The following HMSD variants were observed in gnomAD, a reference collection of about 807,000 sequenced individuals.
HMSD encodes histocompatibility minor serpin domain containing.
A neutral mutation model predicts 10.0 loss-of-function variants in HMSD; 13 were observed. The observed-to-expected ratio is 1.31, with a 90% CI of 0.85 to 2.08. The LOEUF is 2.08. Among genes scored for constraint, HMSD ranks in the 30% most tolerant of loss-of-function variants. The probability of loss-of-function intolerance (pLI) is 0.00; values close to 1 mark genes in which losing one functional copy is unlikely to be tolerated. For missense variants in HMSD, 169 were observed against 166.3 expected (o/e 1.02, Z -0.09); for synonymous variants, 51 against 54.2 (o/e 0.94, Z 0.26).
At position 63,961,175 on chromosome 18, in the gene HMSD, C is replaced by G. The variant is rs1330478408; in HGVS notation, c.*820C>G. 6.8e-6 allele frequency: 1 copy of G among 147,822 alleles called. No homozygotes were observed. Among genetic ancestry groups the G allele is most frequent in the Non-Finnish European group, 1.5e-5 (1 of 67,718 alleles). 9.2% of individuals were successfully genotyped at this position (147,822 alleles called of 1,614,324 possible). A position where few individuals can be genotyped will look rare whatever the true frequency, so the allele number is the denominator to read the frequency against. The stretch of plus-strand genomic sequence containing the variant: ...GAGTGGGGAGTGTAAATGGAGTAAC[C>G]TCTAAGTATCCAAGCAGGAGGGTGT... On this transcript the variant is annotated 3_prime_UTR_variant, in exon 4 of 4. Coordinates refer to ENST00000408945, the MANE Select transcript of HMSD (RefSeq NM_001123366.2).
At chr18:63,963,063 TTTTCTTTCTC>T (rs1275544458), downstream of HMSD, among the ~76,000 whole-genome samples, 52 of 75,722 alleles carry the variant, frequency 6.9e-4, no homozygotes, top group African/African-American at 4.3e-3. Flanking sequence ...TCTTTCTTTC[TTTTCTTTCTC>T]TTTCTTTCTT....
intron 3 of HMSD, among the ~76,000 whole-genome samples, chr18:63,956,029 T>A (rs72943546): frequency 0.037 from 5,561 of 152,242 alleles, 165 homozygotes; most frequent in Non-Finnish European, 0.056. Context: ...CAGGGGGACC[T>A]CTACAAGCCT....
intron 3 of HMSD, among the ~76,000 whole-genome samples, chr18:63,967,487 A>G (rs1204451135): frequency 6.6e-6 from 1 of 152,202 alleles, no homozygotes; most frequent in Non-Finnish European, 1.5e-5. Flanking sequence ...AGGAGTACAG[A>G]GACCTCGAAT....
intron 3 of HMSD, among the ~76,000 whole-genome samples, chr18:63,957,761 T>A (rs2050366633): frequency 6.6e-6 from 1 of 152,182 alleles, no homozygotes; most frequent in Non-Finnish European, 1.5e-5. Flanking sequence ...AAGAAAAGCA[T>A]TGATATTTAA....
At chr18:63,959,389 C>T (rs756838482) in intron 3 of HMSD, among the ~76,000 whole-genome samples, 1 of 152,190 alleles carries the variant, frequency 6.6e-6, no homozygotes, top group African/African-American at 2.4e-5. Flanking sequence ...TTTAATATCA[C>T]TTGAGATTTC....
chr18:63,962,027 T>C (rs2050389160), downstream of HMSD, among the ~76,000 whole-genome samples: 1 of 152,234 alleles, frequency 6.6e-6, no homozygotes, highest in Admixed American at 6.5e-5. Flanking sequence ...CTATGTAGTG[T>C]TTCTTGTAAG....
rs1039148925 is a variant in HMSD, at chr18:63,960,928, C to T, written c.*573C>T. ...AGGAAAGAGGGAGTATCAGAGGTTG[C>T]CGGGTTTGCTACTCTCATTCCTCTT... is the stretch of plus-strand genomic sequence containing the variant. On this transcript the variant is annotated 3_prime_UTR_variant, in exon 4 of 4. Transcript: ENST00000408945. 1 of 152,460 alleles carries T rather than the reference C, an allele frequency of 6.6e-6. No individual in the cohort carries two copies. The highest frequency in any genetic ancestry group is 1.5e-5 in the Non-Finnish European group (1 of 68,300). The allele number at this position is 152,460 out of a possible 1,614,324, so 9.4% of individuals were successfully genotyped here.
intron 3 of HMSD, among the ~76,000 whole-genome samples, chr18:63,958,615 C>A (rs752093983): frequency 2.6e-5 from 4 of 151,990 alleles, no homozygotes; most frequent in Non-Finnish European, 4.4e-5. Flanking sequence ...ATAGTTTGAA[C>A]TTTTTTGGAA....
At chr18:63,967,607 T>C (rs530539958) in intron 3 of HMSD, among the ~76,000 whole-genome samples, 74 of 152,272 alleles carry the variant, frequency 4.9e-4, no homozygotes, top group African/African-American at 1.8e-3. Flanking sequence ...GAGTGTGCCC[T>C]TCCTGAGGTC....
At chr18:63,965,079 G>A (rs2050404413), downstream of HMSD, among the ~76,000 whole-genome samples, 1 of 152,200 alleles carries the variant, frequency 6.6e-6, no homozygotes, top group African/African-American at 2.4e-5. Context: ...AACACTGCCT[G>A]ATGTAACTGA....
chr18:63,962,945 T>C (rs1487147529), downstream of HMSD, among the ~76,000 whole-genome samples: 2 of 151,972 alleles, frequency 1.3e-5, no homozygotes, highest in African/African-American at 2.4e-5. Flanking sequence ...TCACAGATCA[T>C]AGCATGGACC....
At chr18:63,964,535 G>A (rs1429955566), downstream of HMSD, among the ~76,000 whole-genome samples, 1 of 152,034 alleles carries the variant, frequency 6.6e-6, no homozygotes, top group African/African-American at 2.4e-5. Flanking sequence ...GTGAGACACT[G>A]ATTCAAAAAA....
intron 3 of HMSD, among the ~76,000 whole-genome samples, chr18:63,956,537 A>G (rs2050359578): frequency 6.6e-6 from 1 of 152,184 alleles, no homozygotes; most frequent in African/African-American, 2.4e-5. Context: ...ATGAGATACC[A>G]TCTCACACCA....
chr18:63,956,323 C>T (rs761855215), intron 3 of HMSD, among the ~76,000 whole-genome samples: 13 of 151,670 alleles, frequency 8.6e-5, no homozygotes, highest in Non-Finnish European at 1.8e-4. Context: ...AACTATGCCT[C>T]TGATAGAGGT....
intron 1 of HMSD, among the ~76,000 whole-genome samples, chr18:63,951,911 G>A (rs73482137): frequency 0.036 from 5,489 of 152,058 alleles, 337 homozygotes; most frequent in African/African-American, 0.13. Context: ...TGGGAGTAGT[G>A]GGAAGACACT....
At chr18:63,968,644 T>C (rs1359320750) in intron 3 of HMSD, 1 of 152,262 alleles carries the variant, frequency 6.6e-6, no homozygotes, top group African/African-American at 2.4e-5. Flanking sequence ...GCATTTTTCA[T>C]CTTTTAATCT....
chr18:63,962,948 C>T (rs1469338182), downstream of HMSD, among the ~76,000 whole-genome samples: 1 of 152,020 alleles, frequency 6.6e-6, no homozygotes, highest in Admixed American at 6.6e-5. Flanking sequence ...CAGATCATAG[C>T]ATGGACCATG....
At chr18:63,967,952 C>T (rs964041078) in intron 3 of HMSD, 4 of 152,184 alleles carry the variant, frequency 2.6e-5, no homozygotes, top group Admixed American at 6.5e-5. Flanking sequence ...TACAATTAAT[C>T]CTCGTGAATA....
chr18:63,955,526 C>G (rs1434639396), intron 3 of HMSD, among the ~76,000 whole-genome samples: 1 of 152,122 alleles, frequency 6.6e-6, no homozygotes, highest in African/African-American at 2.4e-5. Flanking sequence ...TGCCAAATTG[C>G]TCTCCACAGT....
Sources: allele counts gnomAD v4.1 joint callset (sites outside exome capture counted in the v4.1 genomes callset), GRCh38; gene constraint gnomAD v4.1.1; transcripts MANE v1.5; gene names NCBI Gene and HGNC (gene_info 2026-07-23, HGNC 2026-07-21).